NFX1: variants seen among roughly 807,000 people sequenced by gnomAD.
NFX1 encodes transcriptional repressor NF-X1.
In NFX1, 69 loss-of-function variants were observed where a neutral mutation model predicts 137.2. The ratio of observed to expected loss-of-function variants is 0.50; its 90% CI spans 0.41 to 0.61. The LOEUF (loss-of-function observed/expected upper bound fraction) is 0.61. NFX1 is among the 20% of genes least tolerant of loss of function. NFX1 has a pLI of 0.00. For missense variants in NFX1, 1,167 were observed against 1,391.0 expected, an observed-to-expected ratio of 0.84 and a Z score of 2.56; for synonymous variants, 495 against 474.1, an observed-to-expected ratio of 1.04 and a Z score of -0.57.
intron 5 of NFX1, among the ~76,000 whole-genome samples, chr9:33,310,017 C>T (rs1458254044): frequency 6.6e-6 from 1 of 152,204 alleles, no homozygotes; most frequent in Admixed American, 6.5e-5. Context: ...TAATGATACT[C>T]ATCTTTAAAG....
chr9:33,294,755 G>A lies in NFX1; in HGVS notation c.361G>A (p.Ala121Thr). Residue 121 changes from alanine (A) to threonine (T), a missense_variant, in exon 2 of 24, where the codon GCA becomes ACA. This residue lies in a region of NFX1 where 367 missense variants were observed against 386.7 expected (regional missense o/e 0.95). Transcript: ENST00000379540. ...NEKHHIRVKK[A>T]QSLAEQTSDT... ...GAAGCACCATATCAGAGTCAAGAAA[G>A]CACAGAGTCTTGCTGAGCAGACCTC... 1 of 1,614,060 alleles carries A rather than the reference G, an allele frequency of 6.2e-7. No individual in the cohort carries two copies. The highest frequency in any genetic ancestry group is 8.5e-7 in the Non-Finnish European group (1 of 1,180,032).
chr9:33,293,958 T>G (rs894382510), intron 1 of NFX1, among the ~76,000 whole-genome samples: 1 of 152,220 alleles, frequency 6.6e-6, no homozygotes, highest in Non-Finnish European at 1.5e-5. Context: ...GCACGTGATA[T>G]CCCTAAGTTC....
chr9:33,339,646 A>C (rs995557852), intron 12 of NFX1, among the ~76,000 whole-genome samples: 1 of 152,200 alleles, frequency 6.6e-6, no homozygotes, highest in Non-Finnish European at 1.5e-5. Flanking sequence ...CTACAGTCCA[A>C]AGTCTCATCC....
At chr9:33,292,932 C>T (rs706125) in intron 1 of NFX1, among the ~76,000 whole-genome samples, 2,543 of 152,326 alleles carry the variant, frequency 0.017, 67 homozygotes, top group African/African-American at 0.057. Context: ...CAGAATACCT[C>T]TGCCACCCTC....
Position 33,364,000 on chromosome 9 carries a change from T to C in NFX1, c.2874-10T>C, listed in dbSNP as rs184707596. 4.3e-4 allele frequency: 667 copies of C among 1,553,168 alleles called. 1 individual carries two copies. The highest frequency in any genetic ancestry group is 8.7e-5 in the Non-Finnish European group (100 of 1,148,386). On this transcript the variant is annotated splice_polypyrimidine_tract_variant and intron_variant, in intron 19 of 23. Transcript: ENST00000379540. ...CTCCTTTTATTTGCATACCTCTCTC[T>C]CTCTTTCAGGAGATTAGCAGAGGCA...
Position 33,307,183 on chromosome 9 carries a change from A to T in NFX1, c.1271-11A>T, listed in dbSNP as rs777785376. ...TTTGTACCATTGACTCTCTGATCTG[A>T]TATGTTCTAGGCAAGGTAAAGAATC... On this transcript the variant is annotated splice_polypyrimidine_tract_variant and intron_variant, in intron 4 of 23. Coordinates refer to ENST00000379540, the MANE Select transcript of NFX1 (RefSeq NM_002504.6). 1 of 1,610,600 alleles carries T rather than the reference A, an allele frequency of 6.2e-7. No individual in the cohort carries two copies. Among genetic ancestry groups the T allele is most frequent in the African/African-American group, 1.3e-5 (1 of 74,976 alleles).
chr9:33,295,017 C>G lies in NFX1; in HGVS notation c.623C>G (p.Thr208Ser). The G allele has an allele frequency of 6.2e-7, 1 of 1,614,150 alleles. No homozygotes were observed. The highest frequency in any genetic ancestry group is 8.5e-7 in the Non-Finnish European group (1 of 1,180,038). Residue 208 changes from threonine to serine, a missense_variant, in exon 2 of 24, where the codon ACC becomes AGC. Physicochemically the swap from Thr to Ser is moderately conservative, Grantham distance 58. Around this residue, in one of 3 missense-constraint regions of NFX1, gnomAD observed 367 missense variants for 386.7 expected, o/e 0.95. Transcript: ENST00000379540. ...PKPEDAGPES[T>S]KPVGVFHPDS... ...CCGGAGGATGCTGGACCCGAAAGTA[C>G]CAAACCTGTGGGGGTTTTCCACCCT...
intron 5 of NFX1, 22 bp downstream of exon 5, chr9:33,307,321 G>T: frequency 2.5e-6 from 4 of 1,574,502 alleles, no homozygotes; most frequent in Non-Finnish European, 3.5e-6. Flanking sequence ...TGCTAATTCC[G>T]TTGGGATTGC....
At chr9:33,339,336 C>G (rs1823132148) in intron 12 of NFX1, among the ~76,000 whole-genome samples, 1 of 152,114 alleles carries the variant, frequency 6.6e-6, no homozygotes, top group Non-Finnish European at 1.5e-5. Context: ...TGGATAGCAG[C>G]AGGCAGAGAA....
intron 5 of NFX1, 59 bp from the exon 6 acceptor site, chr9:33,311,047 G>T (rs555206029): frequency 1.8e-4 from 271 of 1,527,688 alleles, no homozygotes; most frequent in Middle Eastern, 5.1e-4. Context: ...AGCTGGGACA[G>T]CTTTGTTCGG....
At chr9:33,347,477 T>A (rs1349338959) in intron 15 of NFX1, among the ~76,000 whole-genome samples, 3 of 151,784 alleles carry the variant, frequency 2.0e-5, no homozygotes, top group Non-Finnish European at 2.9e-5. Context: ...AAATACCAAA[T>A]TTTTTTTTAA....
At chr9:33,317,747 A>G (rs1432475405) in intron 7 of NFX1, among the ~76,000 whole-genome samples, 1 of 151,914 alleles carries the variant, frequency 6.6e-6, no homozygotes, top group Non-Finnish European at 1.5e-5. Flanking sequence ...AAGCTGAGGC[A>G]GGTGGATCAC....
chr9:33,356,201 G>T (rs772984845), intron 19 of NFX1, among the ~76,000 whole-genome samples: 1 of 152,152 alleles, frequency 6.6e-6, no homozygotes, highest in Non-Finnish European at 1.5e-5. Flanking sequence ...ATGTCATTGA[G>T]CTTTTAATTT....
chr9:33,305,930 A>G (rs1031310116), intron 4 of NFX1, among the ~76,000 whole-genome samples: 1 of 152,204 alleles, frequency 6.6e-6, no homozygotes, highest in African/African-American at 2.4e-5. Flanking sequence ...ACCCTAGCGG[A>G]TGAAAGGGTA....
At chr9:33,324,572 A>C (rs1822508026) in intron 9 of NFX1, among the ~76,000 whole-genome samples, 1 of 152,246 alleles carries the variant, frequency 6.6e-6, no homozygotes, top group Middle Eastern at 3.4e-3. Context: ...AAACTTCATT[A>C]AAGGGGCTCA....
intron 17 of NFX1, 55 bp downstream of exon 17, chr9:33,352,774 G>A: frequency 7.0e-7 from 1 of 1,435,246 alleles, no homozygotes; most frequent in Non-Finnish European, 9.8e-7. Context: ...AGATACATGT[G>A]TTTTGTTTTG....
At chr9:33,299,762 T>C (rs1422232405) in intron 2 of NFX1, among the ~76,000 whole-genome samples, 1 of 152,204 alleles carries the variant, frequency 6.6e-6, no homozygotes, top group Non-Finnish European at 1.5e-5. Flanking sequence ...AAATATTTAA[T>C]GGAGCACCTA....
At chr9:33,367,747 A>G in intron 23 of NFX1, 128 bp downstream of exon 23, 2 of 765,232 alleles carry the variant, frequency 2.6e-6, no homozygotes, top group Non-Finnish European at 4.3e-6. Flanking sequence ...CCATGTTCAA[A>G]TATGTAATGT....
chr9:33,340,488 G>A (rs1246162446), intron 12 of NFX1, among the ~76,000 whole-genome samples: 1 of 152,234 alleles, frequency 6.6e-6, no homozygotes, highest in Admixed American at 6.5e-5. Flanking sequence ...GGAAGGGGCT[G>A]CCATGAAGAC....
Sources: gnomAD v4.1 joint callset for allele counts (sites outside exome capture counted in the v4.1 genomes callset) on GRCh38, gnomAD v4.1.1 for gene constraint, gnomAD v4.1.1 regional missense constraint, MANE v1.5 for transcripts, NCBI Gene and HGNC (gene_info 2026-07-23, HGNC 2026-07-21) for gene names.